HIPK3: variants seen among roughly 807,000 people sequenced by gnomAD.
HIPK3 encodes homeodomain interacting protein kinase 3.
HIPK3 carries 47 observed loss-of-function variants against 124.2 expected under a neutral mutation model. The observed-to-expected ratio is 0.38, with a 90% CI of 0.30 to 0.48. The LOEUF (loss-of-function observed/expected upper bound fraction) is 0.48, where lower values mean the gene tolerates loss of function less well. HIPK3 is among the 20% of genes least tolerant of loss of function. The pLI is 0.98. For missense variants in HIPK3, 1,286 were observed against 1,454.3 expected, an observed-to-expected ratio of 0.88 and a Z score of 1.88; for synonymous variants, 482 against 515.2, an observed-to-expected ratio of 0.94 and a Z score of 0.87.
intron 2 of HIPK3, among the ~76,000 whole-genome samples, chr11:33,301,495 C>T (rs968799901): frequency 4.6e-5 from 7 of 151,658 alleles, no homozygotes; most frequent in South Asian, 4.2e-4. Context: ...TTCTAAAAAT[C>T]AGAACTAAGG....
chr11:33,326,972 C>T (rs569982115), intron 2 of HIPK3, among the ~76,000 whole-genome samples: 3 of 152,096 alleles, frequency 2.0e-5, no homozygotes, highest in East Asian at 1.9e-4. Context: ...TGAGCTACCA[C>T]GCCAAATCTG....
intron 2 of HIPK3, among the ~76,000 whole-genome samples, chr11:33,311,022 G>A (rs1208825487): frequency 2.0e-5 from 3 of 152,134 alleles, no homozygotes; most frequent in Non-Finnish European, 4.4e-5. Flanking sequence ...GCAGGCTCTT[G>A]ACTACTACTT....
At chr11:33,341,228 C>A in intron 7 of HIPK3, 101 bp downstream of exon 7, 2 of 818,816 alleles carry the variant, frequency 2.4e-6, no homozygotes, top group Non-Finnish European at 3.8e-6. Flanking sequence ...TTAGAATGTA[C>A]AGTGCTGTGA....
At chr11:33,286,193 A>G (rs1247856795) in intron 1 of HIPK3, among the ~76,000 whole-genome samples, 1 of 152,192 alleles carries the variant, frequency 6.6e-6, no homozygotes, top group Non-Finnish European at 1.5e-5. Flanking sequence ...AATACTCAGA[A>G]TAGCTGAAGC....
In HIPK3 at chr11:33,353,476, A is replaced by G. The variant is rs146004527; in HGVS notation, c.3556A>G (p.Ile1186Val). Residue 1186 changes from isoleucine to valine, a missense_variant, in exon 17 of 17, where the codon ATC becomes GTC. Physicochemically the swap from Ile to Val is conservative, Grantham distance 29. Around this residue, in one of 3 missense-constraint regions of HIPK3, gnomAD observed 810 missense variants for 864.9 expected, o/e 0.94. Coordinates refer to ENST00000303296, the MANE Select transcript of HIPK3 (RefSeq NM_005734.5). The part of the protein sequence containing the change: ...PTIHQTQYKP[I>V]FPPHSYIAAS... ...CATTCATCAGACTCAGTACAAACCA[A>G]TCTTCCCACCACATTCTTACATTGC... is the stretch of plus-strand genomic sequence containing the variant. The G allele has an allele frequency of 1.1e-4, 176 of 1,614,042 alleles. No individual in the cohort carries two copies. Among genetic ancestry groups the G allele is most frequent in the Admixed American group, 2.3e-4 (14 of 60,006 alleles).
intron 1 of HIPK3, among the ~76,000 whole-genome samples, chr11:33,281,190 C>T (rs777380363): frequency 2.0e-5 from 3 of 151,640 alleles, no homozygotes; most frequent in African/African-American, 7.3e-5. Flanking sequence ...CTGTCTCAGC[C>T]TCCCGAGTAG....
chr11:33,339,522 C>G lies in HIPK3; in HGVS notation c.1601C>G (p.Pro534Arg). ...FVNMKHLLDF[P>R]HSNHVKSCFH... ...AATATGAAACATCTTCTAGATTTCC[C>G]TCATAGCAACCAGTATGTTACTTTA... The change falls in exon 6 of 17, where the codon CCT (proline) becomes CGT (arginine). Residue 534 changes from proline (P) to arginine (R), a missense_variant. By Grantham distance (103) the Pro-to-Arg change is moderately radical. Coordinates refer to ENST00000303296, the MANE Select transcript of HIPK3 (RefSeq NM_005734.5). 6.3e-7 allele frequency: 1 copy of G among 1,596,724 alleles called. No homozygotes were observed. Among genetic ancestry groups the G allele is most frequent in the Non-Finnish European group, 8.6e-7 (1 of 1,167,532 alleles).
intron 3 of HIPK3, among the ~76,000 whole-genome samples, chr11:33,335,284 T>C (rs973681098): frequency 6.6e-6 from 1 of 151,752 alleles, no homozygotes; most frequent in African/African-American, 2.4e-5. Context: ...TTAGGACTTG[T>C]AGAGGGAAAA....
rs375931560 is a variant in HIPK3, at chr11:33,262,378, A to T, written c.-3+4489A>T. On this transcript the variant is annotated intron_variant, in intron 1 of 16. Coordinates refer to ENST00000303296, the MANE Select transcript of HIPK3 (RefSeq NM_005734.5). ...GGAGGATGTATGTTACACATTTATA[A>T]GTTTGTCAAATGAAACCTTGAGCTT... Among the ~76,000 whole-genome samples, 19 of 152,330 alleles carry T rather than the reference A, an allele frequency of 1.2e-4. No individual in the cohort carries two copies. In the East Asian group the frequency reaches 3.1e-3, roughly 25 times the overall value.
At chr11:33,285,578 A>ATAT (rs1554962873) in intron 1 of HIPK3, among the ~76,000 whole-genome samples, 5 of 38,364 alleles carry the variant, frequency 1.3e-4, no homozygotes, top group South Asian at 6.0e-4. Context: ...AAAAAAAAAA[A>ATAT]ATATATATAT....
intron 1 of HIPK3, chr11:33,258,577 C>G (rs1482595769): frequency 5.1e-6 from 5 of 985,334 alleles, no homozygotes; most frequent in African/African-American, 1.7e-5. Flanking sequence ...GCCGGCTTCT[C>G]TCGTTACGGT....
upstream of HIPK3, chr11:33,257,336 C>T: frequency 1.0e-6 from 1 of 984,274 alleles, no homozygotes; most frequent in Non-Finnish European, 1.2e-6. Flanking sequence ...GAGGCGGTGG[C>T]CGAGGCCGAC....
rs1430547187 is a variant in HIPK3, at chr11:33,355,838, T to C, written c.*2270T>C. On this transcript the variant is annotated 3_prime_UTR_variant, in exon 17 of 17. Transcript: ENST00000303296. ...TGCATTTTATACAAATAGAAATATA[T>C]ATATATAAAAAATTAAATGTTTAAA... The C allele has an allele frequency of 2.0e-5, 3 of 151,738 alleles. No homozygotes were observed. Among genetic ancestry groups the C allele is most frequent in the Non-Finnish European group, 2.9e-5 (2 of 67,822 alleles). 9.4% of individuals were successfully genotyped at this position (151,738 alleles called of 1,614,324 possible). A position where few individuals can be genotyped will look rare whatever the true frequency, so the allele number is the denominator to read the frequency against.
chr11:33,277,818 G>A (rs1851310919), intron 1 of HIPK3, among the ~76,000 whole-genome samples: 1 of 152,146 alleles, frequency 6.6e-6, no homozygotes, highest in African/African-American at 2.4e-5. Flanking sequence ...AGTGGATGTT[G>A]TCCTACTTCT....
At chr11:33,275,225 A>T (rs1851240547) in intron 1 of HIPK3, among the ~76,000 whole-genome samples, 1 of 151,952 alleles carries the variant, frequency 6.6e-6, no homozygotes, top group South Asian at 2.1e-4. Context: ...TTTTTAGTAG[A>T]GGTGGGGTTT....
In HIPK3 at chr11:33,355,322, TTAA is replaced by T. The variant is rs1169071262; in HGVS notation, c.*1756_*1758del. ...TATTTGCATCAGTATTTTATCTCTATTAATGTTTGTGCTCATCACTGCATATTA... is the reference window on the plus strand; with the variant it reads ...TATTTGCATCAGTATTTTATCTCTATTGTTTGTGCTCATCACTGCATATTA... On this transcript the variant is annotated 3_prime_UTR_variant, in exon 17 of 17. Transcript: ENST00000303296. 2.0e-5 allele frequency: 3 copies of T among 152,068 alleles called. No individual in the cohort carries two copies. The highest frequency in any genetic ancestry group is 1.9e-4 in the East Asian group (1 of 5,206). The allele number at this position is 152,068 out of a possible 1,614,324, so 9.4% of individuals were successfully genotyped here. A position where few individuals can be genotyped will look rare whatever the true frequency, so the allele number is the denominator to read the frequency against.
At chr11:33,261,404 C>T (rs1239847482) in intron 1 of HIPK3, among the ~76,000 whole-genome samples, 1 of 151,806 alleles carries the variant, frequency 6.6e-6, no homozygotes, top group African/African-American at 2.4e-5. Flanking sequence ...GTCTGTTGTT[C>T]CCCTCTTTGT....
intron 3 of HIPK3, among the ~76,000 whole-genome samples, chr11:33,331,934 C>T (rs984003478): frequency 1.4e-4 from 21 of 152,076 alleles, no homozygotes; most frequent in Non-Finnish European, 2.9e-5. Context: ...TTCTCTGTTG[C>T]CCTGGATGGA....
intron 1 of HIPK3, among the ~76,000 whole-genome samples, chr11:33,262,490 CTG>C (rs2133861978): frequency 6.6e-6 from 1 of 152,350 alleles, no homozygotes; most frequent in South Asian, 2.1e-4. Context: ...TGAGACACCA[CTG>C]TTATGCCAGG....
Sources: gnomAD v4.1 joint callset for allele counts (sites outside exome capture counted in the v4.1 genomes callset) on GRCh38, gnomAD v4.1.1 for gene constraint, gnomAD v4.1.1 regional missense constraint, MANE v1.5 for transcripts, NCBI Gene and HGNC (gene_info 2026-07-23, HGNC 2026-07-21) for gene names.